The following MAP2K6 variants were observed in gnomAD, a reference collection of about 807,000 sequenced individuals.
The protein encoded by MAP2K6 is dual specificity mitogen-activated protein kinase kinase 6.
A neutral mutation model predicts 53.7 loss-of-function variants in MAP2K6; 16 were observed. That is an observed-to-expected ratio of 0.30 (90% CI 0.20 to 0.45). MAP2K6 has a LOEUF of 0.45. Among genes scored for constraint, MAP2K6 ranks in the 20% least tolerant of loss-of-function variants. The pLI is 1.00. For missense variants in MAP2K6, 204 were observed against 411.9 expected, an observed-to-expected ratio of 0.50 and a Z score of 4.37; for synonymous variants, 132 against 143.1, an observed-to-expected ratio of 0.92 and a Z score of 0.55.
intron 1 of MAP2K6, among the ~76,000 whole-genome samples, chr17:69,449,551 T>TTCTTTGTCTG (rs1162468100): frequency 9.4e-6 from 1 of 106,714 alleles, no homozygotes; most frequent in Non-Finnish European, 1.8e-5. Context: ...CTTTCTTTCT[T>TTCTTTGTCTG]TCTTTCTTTA....
intron 10 of MAP2K6, among the ~76,000 whole-genome samples, chr17:69,535,129 A>G (rs1387347238): frequency 1.3e-5 from 2 of 152,178 alleles, no homozygotes; most frequent in African/African-American, 4.8e-5. Flanking sequence ...ATGTTATTAA[A>G]TGTCTGTGTC....
At chr17:69,447,997 G>C (rs1907031708) in intron 1 of MAP2K6, among the ~76,000 whole-genome samples, 1 of 152,178 alleles carries the variant, frequency 6.6e-6, no homozygotes, top group African/African-American at 2.4e-5. Flanking sequence ...ACAGCAGAAA[G>C]AGGACTGAGC....
chr17:69,438,694 C>T (rs1394718613), intron 1 of MAP2K6, among the ~76,000 whole-genome samples: 1 of 152,180 alleles, frequency 6.6e-6, no homozygotes, highest in East Asian at 1.9e-4. Context: ...ATCCTACCAC[C>T]TCAGCCTCCC....
intron 1 of MAP2K6, among the ~76,000 whole-genome samples, chr17:69,444,372 TAAAAGA>T (rs989953265): frequency 1.3e-5 from 2 of 152,126 alleles, no homozygotes; most frequent in African/African-American, 4.8e-5. Context: ...AGTTTTTTGT[TAAAAGA>T]AACGAATTCT....
intron 1 of MAP2K6, among the ~76,000 whole-genome samples, chr17:69,460,730 A>G (rs1379555609): frequency 1.3e-5 from 2 of 152,088 alleles, no homozygotes; most frequent in Non-Finnish European, 2.9e-5. Context: ...CCTCCCAAGT[A>G]GCTGGAACTA....
chr17:69,504,669 A>T (rs1909367382), intron 1 of MAP2K6: 1 of 152,670 alleles, frequency 6.6e-6, no homozygotes, highest in East Asian at 1.9e-4. Context: ...CATGAGGAAA[A>T]CCCCAGGCCC....
chr17:69,471,610 C>T (rs1373009405), intron 1 of MAP2K6, among the ~76,000 whole-genome samples: 3 of 152,252 alleles, frequency 2.0e-5, no homozygotes, highest in South Asian at 2.1e-4. Flanking sequence ...GCCCAAACCT[C>T]ATGATTATGC....
intron 1 of MAP2K6, among the ~76,000 whole-genome samples, chr17:69,495,367 C>T (rs1204990582): frequency 6.6e-6 from 1 of 151,896 alleles, no homozygotes; most frequent in Non-Finnish European, 1.5e-5. Flanking sequence ...TCCCAAGTAG[C>T]TGGGACTACA....
chr17:69,536,937 C>G (rs1231437664), intron 11 of MAP2K6, among the ~76,000 whole-genome samples: 1 of 152,004 alleles, frequency 6.6e-6, no homozygotes. Flanking sequence ...AAAAAATTAG[C>G]CGGGCATGGT....
intron 10 of MAP2K6, among the ~76,000 whole-genome samples, chr17:69,531,924 G>C (rs1032714396): frequency 6.6e-6 from 1 of 152,124 alleles, no homozygotes. Flanking sequence ...AAACGAGTTC[G>C]CAAAAGATTG....
chr17:69,513,858 T>A (rs1910001028), intron 2 of MAP2K6, among the ~76,000 whole-genome samples: 1 of 152,206 alleles, frequency 6.6e-6, no homozygotes, highest in Admixed American at 6.5e-5. Flanking sequence ...GTGACGCCTG[T>A]AACTCCAGCA....
chr17:69,488,153 C>T (rs1454408919), intron 1 of MAP2K6, among the ~76,000 whole-genome samples: 3 of 152,062 alleles, frequency 2.0e-5, no homozygotes, highest in African/African-American at 7.2e-5. Flanking sequence ...AAGACATGAA[C>T]AGACACTTCT....
chr17:69,434,343 C>T (rs1226153194), intron 1 of MAP2K6: 1 of 152,252 alleles, frequency 6.6e-6, no homozygotes, highest in Non-Finnish European at 1.5e-5. Context: ...ATGTCTCCCC[C>T]TCTGCTTTTT....
chr17:69,486,500 G>A lies in MAP2K6; in HGVS notation c.17-19280G>A, dbSNP rs114601011. Among the ~76,000 whole-genome samples the A allele has an allele frequency of 1.7e-3, 253 of 152,312 alleles. 2 individuals carry two copies. The highest frequency in any genetic ancestry group is 5.6e-3 in the African/African-American group (232 of 41,580). On this transcript the variant is annotated intron_variant, in intron 1 of 11. Coordinates refer to ENST00000590474, the MANE Select transcript of MAP2K6 (RefSeq NM_002758.4). The stretch of plus-strand genomic sequence containing the variant: ...TTAGTCTAGTCTGAGACTGATGAGT[G>A]TTCTACCAGGAAGTGAGAAGCATCA...
At position 69,526,443 on chromosome 17, in the gene MAP2K6, C is replaced by A. The variant is rs1242687805; in HGVS notation, c.742-127C>A. On this transcript the variant is annotated intron_variant, in intron 9 of 11. Transcript: ENST00000590474. Reference sequence around the variant, plus strand: ...AAATTATTAGTTTATTTCCTGCCCCCCTACCCCTGGACTTATACTTGAACT... The same window carrying A: ...AAATTATTAGTTTATTTCCTGCCCCACTACCCCTGGACTTATACTTGAACT... 24 of 947,728 alleles carry A rather than the reference C, an allele frequency of 2.5e-5. No homozygotes were observed. The Middle Eastern group carries it at 1.7e-3, about 67-fold the overall frequency. 58.7% of individuals were successfully genotyped at this position (947,728 alleles called of 1,614,324 possible).
intron 1 of MAP2K6, among the ~76,000 whole-genome samples, chr17:69,480,748 A>G (rs896757905): frequency 2.0e-5 from 3 of 152,188 alleles, no homozygotes; most frequent in Non-Finnish European, 4.4e-5. Flanking sequence ...TCATCTGAAA[A>G]CAACCTGAAT....
At position 69,506,486 on chromosome 17, in the gene MAP2K6, A is replaced by G. The variant is rs530041411; in HGVS notation, c.83+640A>G. Reference sequence around the variant, plus strand: ...TACTTCCTGTCCAGCTGGAGGTACAACCACCTACCAAGGCATCTGCATGAG... The same window carrying G: ...TACTTCCTGTCCAGCTGGAGGTACAGCCACCTACCAAGGCATCTGCATGAG... On this transcript the variant is annotated intron_variant, in intron 2 of 11. Coordinates refer to ENST00000590474, the MANE Select transcript of MAP2K6 (RefSeq NM_002758.4). 1.8e-4 allele frequency among the ~76,000 whole-genome samples: 28 copies of G among 151,930 alleles called. No homozygotes were observed. In the South Asian group the frequency reaches 5.4e-3, roughly 29 times the overall value.
rs1338880842 is a variant in MAP2K6 at position 69,552,980 on chromosome 17, G to A, written c.*11227G>A. 6.6e-6 allele frequency: 1 copy of A among 152,128 alleles called. No homozygotes were observed. Among genetic ancestry groups the A allele is most frequent in the Non-Finnish European group, 1.5e-5 (1 of 68,030 alleles). The allele number at this position is 152,128 out of a possible 1,614,324, so 9.4% of individuals were successfully genotyped here. On this transcript the variant is annotated 3_prime_UTR_variant, in exon 12 of 12. Coordinates refer to ENST00000590474, the MANE Select transcript of MAP2K6 (RefSeq NM_002758.4). Reference sequence around the variant, plus strand: ...TTGGTGTTAACATAGGTTAAGTTTTGTTAGTGTTCCCAGAAATATACTGAA... The same window carrying A: ...TTGGTGTTAACATAGGTTAAGTTTTATTAGTGTTCCCAGAAATATACTGAA...
intron 1 of MAP2K6, among the ~76,000 whole-genome samples, chr17:69,454,846 T>C (rs907127740): frequency 2.6e-5 from 4 of 152,226 alleles, no homozygotes. Context: ...GGTATAATAA[T>C]ATTTTGCAGG....
Sources: gnomAD v4.1 joint callset for allele counts (sites outside exome capture counted in the v4.1 genomes callset) on GRCh38, gnomAD v4.1.1 for gene constraint, MANE v1.5 for transcripts, NCBI Gene and HGNC (gene_info 2026-07-23, HGNC 2026-07-21) for gene names.